EPHA3: variants seen among roughly 807,000 people sequenced by gnomAD.
EPHA3 encodes ephrin type-A receptor 3.
EPHA3 carries 42 observed loss-of-function variants against 107.1 expected under a neutral mutation model. The ratio of observed to expected loss-of-function variants is 0.39; its 90% confidence interval spans 0.31 to 0.51. The LOEUF (loss-of-function observed/expected upper bound fraction) is 0.51, where lower values mean the gene tolerates loss of function less well. Among genes scored for constraint, EPHA3 ranks in the 20% least tolerant of loss-of-function variants. EPHA3 has a pLI of 0.78. For synonymous variants in EPHA3, 461 were observed against 424.8 expected (o/e 1.09, Z -1.05); for missense variants, 1,183 against 1,211.2 (o/e 0.98, Z 0.35).
At chr3:89,301,571 G>A (rs779266488) in intron 3 of EPHA3, among the ~76,000 whole-genome samples, 6 of 152,008 alleles carry the variant, frequency 3.9e-5, no homozygotes, top group Non-Finnish European at 8.8e-5. Flanking sequence ...GTTGGTGGAT[G>A]TTTATGATGA....
intron 7 of EPHA3, among the ~76,000 whole-genome samples, chr3:89,406,558 G>C (rs183508647): frequency 3.9e-5 from 6 of 152,210 alleles, no homozygotes; most frequent in African/African-American, 1.4e-4. Context: ...CAATAAAATT[G>C]TATTTATAGA....
At chr3:89,374,855 A>G (rs1382573370) in intron 5 of EPHA3, among the ~76,000 whole-genome samples, 5 of 151,830 alleles carry the variant, frequency 3.3e-5, no homozygotes, top group Non-Finnish European at 5.9e-5. Flanking sequence ...CACCCAACTT[A>G]GAGTAGACAG....
At chr3:89,211,644 T>A (rs77167004) in intron 3 of EPHA3, among the ~76,000 whole-genome samples, 2,409 of 142,398 alleles carry the variant, frequency 0.017, 30 homozygotes, top group Non-Finnish European at 0.028. Flanking sequence ...GTTCACAGAA[T>A]AAATTCCTCT....
chr3:89,146,949 A>G (rs1365343051), intron 2 of EPHA3, among the ~76,000 whole-genome samples: 10 of 151,956 alleles, frequency 6.6e-5, no homozygotes, highest in Non-Finnish European at 1.0e-4. Context: ...ATGTCCATCA[A>G]TGATAGACTG....
intron 3 of EPHA3, among the ~76,000 whole-genome samples, chr3:89,297,846 C>A (rs764166982): frequency 1.3e-4 from 20 of 152,010 alleles, no homozygotes; most frequent in Non-Finnish European, 2.8e-4. Context: ...ACCAGCCTGG[C>A]CAACATGGCA....
intron 3 of EPHA3, among the ~76,000 whole-genome samples, chr3:89,235,963 T>C (rs1704750003): frequency 6.6e-6 from 1 of 152,006 alleles, no homozygotes; most frequent in Non-Finnish European, 1.5e-5. Flanking sequence ...ATATATTCAA[T>C]AAACATGGGA....
rs547098020 is a variant in EPHA3 at position 89,262,776 on chromosome 3, C to T, written c.814+52256C>T. Among the ~76,000 whole-genome samples, 4 of 152,098 alleles carry T rather than the reference C, an allele frequency of 2.6e-5. No homozygotes were observed. In the South Asian group the frequency reaches 6.2e-4, roughly 24 times the overall value. On this transcript the variant is annotated intron_variant, in intron 3 of 16. Coordinates refer to ENST00000336596, the MANE Select transcript of EPHA3 (RefSeq NM_005233.6). ...CTGGCTGTTTCGGTGCCTGCAGGAT[C>T]AAACTCTATTCACTCGCACCCACTG... is the stretch of plus-strand genomic sequence containing the variant.
chr3:89,370,587 G>A (rs1288571039), intron 5 of EPHA3, among the ~76,000 whole-genome samples: 3 of 151,548 alleles, frequency 2.0e-5, no homozygotes, highest in South Asian at 4.2e-4. Flanking sequence ...CAGCACACCA[G>A]CATGGCACAT....
intron 2 of EPHA3, among the ~76,000 whole-genome samples, chr3:89,198,500 C>T (rs543117115): frequency 2.0e-5 from 3 of 152,130 alleles, no homozygotes; most frequent in African/African-American, 4.8e-5. Flanking sequence ...GGATACTCAA[C>T]GGATAAAAGA....
intron 5 of EPHA3, among the ~76,000 whole-genome samples, chr3:89,394,792 A>G (rs187659445): frequency 3.0e-4 from 46 of 152,326 alleles, no homozygotes; most frequent in African/African-American, 1.1e-3. Flanking sequence ...AATGAAAACA[A>G]TTCAACAGTT....
chr3:89,236,969 C>T (rs775597836), intron 3 of EPHA3, among the ~76,000 whole-genome samples: 3 of 152,114 alleles, frequency 2.0e-5, no homozygotes, highest in African/African-American at 2.4e-5. Flanking sequence ...ATACTTATTG[C>T]AGTACTGAAT....
chr3:89,373,772 C>T (rs1420088887), intron 5 of EPHA3, among the ~76,000 whole-genome samples: 1 of 151,816 alleles, frequency 6.6e-6, no homozygotes, highest in Non-Finnish European at 1.5e-5. Context: ...CACTTTCCAT[C>T]CTGGATCAGG....
intron 3 of EPHA3, among the ~76,000 whole-genome samples, chr3:89,293,899 G>A (rs1489166179): frequency 6.6e-6 from 1 of 152,100 alleles, no homozygotes; most frequent in African/African-American, 2.4e-5. Context: ...GTTGTAGTGT[G>A]AAAGCAATCA....
intron 3 of EPHA3, among the ~76,000 whole-genome samples, chr3:89,227,078 GTGTCCATCAA>G (rs1204309204): frequency 2.0e-5 from 3 of 151,952 alleles, no homozygotes; most frequent in Non-Finnish European, 4.4e-5. Context: ...TGTTACTCAG[GTGTCCATCAA>G]TATTATATGC....
chr3:89,249,708 G>T (rs547394877), intron 3 of EPHA3, among the ~76,000 whole-genome samples: 2 of 152,248 alleles, frequency 1.3e-5, no homozygotes, highest in South Asian at 4.1e-4. Context: ...CAATCTGCCT[G>T]CCTCAGCCTC....
chr3:89,240,338 G>A (rs1272019123), intron 3 of EPHA3, among the ~76,000 whole-genome samples: 1 of 152,024 alleles, frequency 6.6e-6, no homozygotes, highest in African/African-American at 2.4e-5. Flanking sequence ...CATAATTAAT[G>A]CAATTAAGAC....
At chr3:89,307,116 G>A (rs1706643076) in intron 3 of EPHA3, among the ~76,000 whole-genome samples, 1 of 152,104 alleles carries the variant, frequency 6.6e-6, no homozygotes, top group Non-Finnish European at 1.5e-5. Flanking sequence ...TTCCTCATGT[G>A]CATTGACTAT....
At chr3:89,404,079 C>T (rs148479690) in intron 7 of EPHA3, among the ~76,000 whole-genome samples, 5 of 152,084 alleles carry the variant, frequency 3.3e-5, no homozygotes, top group East Asian at 1.9e-4. Flanking sequence ...TTAGCGCTCC[C>T]GAAAGCCTCA....
At chr3:89,447,641 C>A (rs1709901832) in intron 13 of EPHA3, among the ~76,000 whole-genome samples, 1 of 152,294 alleles carries the variant, frequency 6.6e-6, no homozygotes, top group East Asian at 1.9e-4. Flanking sequence ...ATACAGTTTT[C>A]TCCTCTGTGC....
Sources: gnomAD v4.1 joint callset for allele counts (sites outside exome capture counted in the v4.1 genomes callset) on GRCh38, gnomAD v4.1.1 for gene constraint, MANE v1.5 for transcripts, NCBI Gene and HGNC (gene_info 2026-07-23, HGNC 2026-07-21) for gene names.